The following IDO2 variants were observed in gnomAD, a reference collection of about 807,000 sequenced individuals.
IDO2 encodes indoleamine 2,3-dioxygenase 2.
A neutral mutation model predicts 45.1 loss-of-function variants in IDO2; 46 were observed. The ratio of observed to expected loss-of-function variants is 1.02; its 90% CI spans 0.80 to 1.30. The LOEUF (loss-of-function observed/expected upper bound fraction) is 1.30. Among genes scored for constraint, IDO2 ranks in the 50% most tolerant of loss-of-function variants. IDO2 has a pLI of 0.00. For missense variants in IDO2, 544 were observed against 491.8 expected (o/e 1.11, Z -1.00); for synonymous variants, 218 against 184.9 (o/e 1.18, Z -1.45).
chr8:39,953,907 A>G (rs190845143), intron 2 of IDO2, among the ~76,000 whole-genome samples: 1 of 152,346 alleles, frequency 6.6e-6, no homozygotes, highest in African/African-American at 2.4e-5. Flanking sequence ...CATTTGTACA[A>G]AAATTCCCTG....
intron 3 of IDO2, among the ~76,000 whole-genome samples, chr8:39,976,547 G>A (rs1348636660): frequency 6.6e-6 from 1 of 152,152 alleles, no homozygotes; most frequent in Non-Finnish European, 1.5e-5. Flanking sequence ...ACAAATTCAT[G>A]AAATGCTTCT....
At chr8:39,974,914 C>T (rs546448597) in intron 3 of IDO2, among the ~76,000 whole-genome samples, 56 of 151,236 alleles carry the variant, frequency 3.7e-4, no homozygotes, top group African/African-American at 1.2e-3. Flanking sequence ...GGTGACAGAG[C>T]GAGACTCCGT....
At chr8:39,946,708 T>C (rs1450195896) in intron 1 of IDO2, among the ~76,000 whole-genome samples, 2 of 152,224 alleles carry the variant, frequency 1.3e-5, no homozygotes, top group Non-Finnish European at 2.9e-5. Context: ...CAGCCTGCTC[T>C]TCATGAATTA....
intron 3 of IDO2, among the ~76,000 whole-genome samples, chr8:39,967,598 C>T (rs1275383261): frequency 6.6e-6 from 1 of 152,124 alleles, no homozygotes; most frequent in Non-Finnish European, 1.5e-5. Flanking sequence ...AGCAATTGTC[C>T]TGCCTCAGCT....
chr8:39,979,210 C>G (rs1365926245), intron 4 of IDO2, 24 bp downstream of exon 4: 5 of 1,561,128 alleles, frequency 3.2e-6, no homozygotes, highest in Middle Eastern at 1.7e-4. Context: ...AGCAGCTTCT[C>G]CTGTTACCCG....
chr8:40,005,278 A>G (rs770513202), intron 8 of IDO2, 49 bp from the exon 9 acceptor site: 2 of 1,378,170 alleles, frequency 1.5e-6, no homozygotes, highest in East Asian at 2.3e-5. Flanking sequence ...CATGTAACCA[A>G]TTGCTTTCTT....
chr8:39,976,061 C>T (rs7005437), intron 3 of IDO2, among the ~76,000 whole-genome samples: 11,451 of 152,100 alleles, frequency 0.075, 1,421 homozygotes, highest in African/African-American at 0.26. Flanking sequence ...CTCACTGAAA[C>T]CTCCACCTCC....
intron 2 of IDO2, among the ~76,000 whole-genome samples, chr8:39,956,662 A>C (rs1807906287): frequency 6.6e-6 from 1 of 152,186 alleles, no homozygotes; most frequent in Non-Finnish European, 1.5e-5. Flanking sequence ...GTTTGTTTAT[A>C]AAATATAGTA....
chr8:39,957,245 T>A (rs202036019), intron 2 of IDO2, among the ~76,000 whole-genome samples: 1 of 152,092 alleles, frequency 6.6e-6, no homozygotes, highest in Non-Finnish European at 1.5e-5. Context: ...TATTGTCTCC[T>A]CCCCTTGTTT....
intron 4 of IDO2, among the ~76,000 whole-genome samples, chr8:39,981,356 G>A (rs186882714): frequency 1.0e-3 from 153 of 152,216 alleles, no homozygotes; most frequent in African/African-American, 3.6e-3. Context: ...CACCGTGCCC[G>A]GCGTGCATTT....
At chr8:39,974,675 T>G (rs1015955473) in intron 3 of IDO2, among the ~76,000 whole-genome samples, 1 of 152,176 alleles carries the variant, frequency 6.6e-6, no homozygotes, top group African/African-American at 2.4e-5. Context: ...TCCCAGTACT[T>G]TGGGAGGCCC....
At chr8:39,946,241 ACTCT>A (rs1028419729) in intron 1 of IDO2, among the ~76,000 whole-genome samples, 30 of 151,870 alleles carry the variant, frequency 2.0e-4, no homozygotes, top group African/African-American at 7.3e-4. Flanking sequence ...GAGAGCTTTG[ACTCT>A]CTATGATTTC....
intron 8 of IDO2, among the ~76,000 whole-genome samples, chr8:39,992,293 C>A (rs1801950237): frequency 6.6e-6 from 1 of 152,180 alleles, no homozygotes; most frequent in South Asian, 2.1e-4. Context: ...AGTCCACCTA[C>A]CCTGAGATCA....
At chr8:39,998,552 G>T (rs1802084907) in intron 8 of IDO2, 1 of 151,654 alleles carries the variant, frequency 6.6e-6, no homozygotes, top group Non-Finnish European at 1.5e-5. Context: ...GACAGAAAAT[G>T]ACTGCAAGGG....
chr8:39,998,047 C>T (rs762625295), intron 8 of IDO2: 25 of 233,278 alleles, frequency 1.1e-4, no homozygotes, highest in South Asian at 2.2e-4. Context: ...CCCTTCTCTC[C>T]TTTCACAGCC....
chr8:40,006,532 T>C (rs1431141509), intron 9 of IDO2, among the ~76,000 whole-genome samples: 1 of 152,196 alleles, frequency 6.6e-6, no homozygotes, highest in African/African-American at 2.4e-5. Flanking sequence ...TGTATTTTGT[T>C]GTAGCAACAG....
In IDO2 at chr8:39,953,713, C is replaced by T. The variant is rs548818714; in HGVS notation, c.99+4449C>T. ...GAGTAGCTGGGATTACAGGAGCCCA[C>T]CACCAACCACACCCAGCTAATTTTT... On this transcript the variant is annotated intron_variant, in intron 2 of 10. Coordinates refer to ENST00000502986, the Ensembl canonical transcript of IDO2. 3.9e-5 allele frequency among the ~76,000 whole-genome samples: 6 copies of T among 152,268 alleles called. No homozygotes were observed. In the East Asian group the frequency reaches 1.2e-3, roughly 29 times the overall value.
chr8:40,005,932 C>A (rs1177231262), intron 9 of IDO2, among the ~76,000 whole-genome samples: 1 of 152,146 alleles, frequency 6.6e-6, no homozygotes, highest in East Asian at 1.9e-4. Context: ...GGAACTAATG[C>A]CCTTATAAAG....
intron 5 of IDO2, 134 bp from the exon 6 acceptor site, chr8:39,985,374 A>T: frequency 1.4e-6 from 1 of 716,826 alleles, no homozygotes; most frequent in East Asian, 2.7e-5. Context: ...GTGTGCCTGC[A>T]GTGCCTTGCA....
Sources: allele counts gnomAD v4.1 joint callset (sites outside exome capture counted in the v4.1 genomes callset), GRCh38; gene constraint gnomAD v4.1.1; transcripts MANE v1.5; gene names NCBI Gene and HGNC (gene_info 2026-07-23, HGNC 2026-07-21).